Variants in GRIK2 observed in about 807,000 individuals in gnomAD.
GRIK2 encodes the protein glutamate ionotropic receptor kainate type subunit 2, also known as glutamate receptor ionotropic, kainate 2.
A neutral mutation model predicts 100.3 loss-of-function variants in GRIK2; 32 were observed. The ratio of observed to expected loss-of-function variants is 0.32; its 90% confidence interval spans 0.24 to 0.43. GRIK2 has a LOEUF of 0.43. Among genes scored for constraint, GRIK2 ranks in the 20% least tolerant of loss-of-function variants. The probability of loss-of-function intolerance (pLI) is 1.00; values close to 1 mark genes in which losing one functional copy is unlikely to be tolerated. For synonymous variants in GRIK2, 417 were observed against 389.4 expected (o/e 1.07, Z -0.83); for missense variants, 843 against 1,114.9 (o/e 0.76, Z 3.47).
intron 11 of GRIK2, among the ~76,000 whole-genome samples, chr6:101,881,621 T>G (rs1786249910): frequency 6.6e-6 from 1 of 151,802 alleles, no homozygotes; most frequent in Non-Finnish European, 1.5e-5. Context: ...AAAAGTAACT[T>G]GTCTAGTGCA....
intron 2 of GRIK2, among the ~76,000 whole-genome samples, chr6:101,540,981 T>C (rs1775955171): frequency 6.6e-6 from 1 of 151,914 alleles, no homozygotes; most frequent in African/African-American, 2.4e-5. Flanking sequence ...GGGGAGGATA[T>C]CTGTAGTTTG....
At chr6:101,618,045 A>G (rs975202656) in intron 2 of GRIK2, among the ~76,000 whole-genome samples, 2 of 151,614 alleles carry the variant, frequency 1.3e-5, no homozygotes, top group African/African-American at 4.8e-5. Flanking sequence ...CTGATTAGGA[A>G]GTTCTTAATT....
intron 9 of GRIK2, among the ~76,000 whole-genome samples, chr6:101,812,079 G>A (rs1436039045): frequency 6.6e-6 from 1 of 151,360 alleles, no homozygotes; most frequent in Non-Finnish European, 1.5e-5. Flanking sequence ...GTAAAGGTAT[G>A]TGGCATAATA....
intron 11 of GRIK2, among the ~76,000 whole-genome samples, 198 bp downstream of exon 11, chr6:101,859,691 A>T: frequency 6.6e-6 from 1 of 152,190 alleles, no homozygotes; most frequent in East Asian, 1.9e-4. Context: ...TATATATGTA[A>T]ACAGATTAAA....
chr6:102,064,402 TCTCC>T (rs1771910732), intron 16 of GRIK2, among the ~76,000 whole-genome samples: 1 of 121,146 alleles, frequency 8.3e-6, no homozygotes, highest in Non-Finnish European at 1.9e-5. Context: ...TCTCTCTCTC[TCTCC>T]CTCCCTCCTT....
At chr6:101,651,772 C>T (rs531551578) in intron 4 of GRIK2, among the ~76,000 whole-genome samples, 2 of 152,184 alleles carry the variant, frequency 1.3e-5, no homozygotes, top group South Asian at 4.2e-4. Context: ...CACTGGAGAT[C>T]TGATGGAGTA....
intron 7 of GRIK2, among the ~76,000 whole-genome samples, chr6:101,691,489 G>A (rs917813604): frequency 4.6e-5 from 7 of 151,780 alleles, no homozygotes; most frequent in African/African-American, 1.7e-4. Flanking sequence ...CTAAAGATGG[G>A]TTTTCACCAT....
At chr6:101,438,785 A>T (rs1200930519) in intron 2 of GRIK2, among the ~76,000 whole-genome samples, 1 of 152,126 alleles carries the variant, frequency 6.6e-6, no homozygotes, top group Admixed American at 6.6e-5. Flanking sequence ...ATAGTCACAG[A>T]CTGGGGGATT....
chr6:101,794,390 G>A (rs1326431757), intron 7 of GRIK2, among the ~76,000 whole-genome samples: 1 of 151,978 alleles, frequency 6.6e-6, no homozygotes. Flanking sequence ...GCAGTATATA[G>A]TTGGGTCATT....
intron 7 of GRIK2, among the ~76,000 whole-genome samples, chr6:101,752,730 A>G: frequency 6.6e-6 from 1 of 152,200 alleles, no homozygotes; most frequent in South Asian, 2.1e-4. Flanking sequence ...GTCTCAGAAT[A>G]CCAATACTAA....
intron 4 of GRIK2, among the ~76,000 whole-genome samples, chr6:101,635,482 A>C (rs1780959761): frequency 6.6e-6 from 1 of 152,218 alleles, no homozygotes; most frequent in Admixed American, 6.5e-5. Flanking sequence ...AAGCAATGGC[A>C]ACAGAAGCCA....
chr6:101,400,199 A>C (rs541695698), intron 2 of GRIK2, among the ~76,000 whole-genome samples: 2 of 152,306 alleles, frequency 1.3e-5, no homozygotes, highest in Admixed American at 6.5e-5. Context: ...TCACTTTGGC[A>C]AGACGAAAGA....
chr6:101,792,127 A>T (rs1487204099), intron 7 of GRIK2, among the ~76,000 whole-genome samples: 1 of 151,774 alleles, frequency 6.6e-6, no homozygotes, highest in Non-Finnish European at 1.5e-5. Flanking sequence ...GGTTTCCTGA[A>T]TACAGCACAC....
intron 2 of GRIK2, among the ~76,000 whole-genome samples, chr6:101,583,010 T>C (rs1172090549): frequency 3.3e-5 from 5 of 151,882 alleles, no homozygotes; most frequent in Admixed American, 2.0e-4. Flanking sequence ...TCCTGGAAAA[T>C]TGAACAATGA....
chr6:101,575,482 G>A (rs1243668287), intron 2 of GRIK2, among the ~76,000 whole-genome samples: 2 of 151,956 alleles, frequency 1.3e-5, no homozygotes, highest in African/African-American at 2.4e-5. Context: ...AGACATTTCT[G>A]TGGAGTAACC....
chr6:101,524,151 C>T (rs1775028756), intron 2 of GRIK2, among the ~76,000 whole-genome samples: 1 of 152,064 alleles, frequency 6.6e-6, no homozygotes, highest in Admixed American at 6.5e-5. Context: ...CTTGATTTTT[C>T]CATAATTCCT....
At chr6:101,598,699 T>C (rs1341858696) in intron 2 of GRIK2, among the ~76,000 whole-genome samples, 1 of 145,696 alleles carries the variant, frequency 6.9e-6, no homozygotes, top group Non-Finnish European at 1.5e-5. Context: ...CAGAGCCAAA[T>C]AGGACCACCA....
chr6:102,010,556 T>G, intron 14 of GRIK2, among the ~76,000 whole-genome samples: 1 of 151,910 alleles, frequency 6.6e-6, no homozygotes, highest in Non-Finnish European at 1.5e-5. Flanking sequence ...GCTAATTTTT[T>G]TGTATTTTTT....
chr6:101,924,457 G>A, intron 12 of GRIK2, 144 bp from the exon 13 acceptor site: 2 of 603,722 alleles, frequency 3.3e-6, no homozygotes, highest in South Asian at 2.1e-5. Context: ...TTGCAGGCAC[G>A]TATATGAAAT....
Sources: allele counts gnomAD v4.1 joint callset (sites outside exome capture counted in the v4.1 genomes callset), GRCh38; gene constraint gnomAD v4.1.1; transcripts MANE v1.5; gene names NCBI Gene and HGNC (gene_info 2026-07-23, HGNC 2026-07-21).